The following SLC5A4 variants were observed in gnomAD, a reference collection of about 807,000 sequenced individuals.
SLC5A4 encodes solute carrier family 5 member 4.
In SLC5A4, 55 loss-of-function variants were observed where a neutral mutation model predicts 70.3. The ratio of observed to expected loss-of-function variants is 0.78; its 90% CI spans 0.63 to 0.98. The LOEUF (loss-of-function observed/expected upper bound fraction) is 0.98, where lower values mean the gene tolerates loss of function less well. SLC5A4 is among the 50% of genes least tolerant of loss of function. SLC5A4 has a pLI of 0.00. For synonymous variants in SLC5A4, 268 were observed against 305.7 expected (o/e 0.88, Z 1.29); for missense variants, 735 against 839.2 (o/e 0.88, Z 1.53).
chr22:32,235,183 A>G, intron 7 of SLC5A4, 90 bp from the exon 8 acceptor site: 1 of 877,040 alleles, frequency 1.1e-6, no homozygotes, highest in East Asian at 2.5e-5. Flanking sequence ...GAGGTAAACA[A>G]GCACCTCCCA....
chr22:32,252,865 C>T (rs901879914), intron 2 of SLC5A4, among the ~76,000 whole-genome samples: 1 of 152,178 alleles, frequency 6.6e-6, no homozygotes, highest in Non-Finnish European at 1.5e-5. Flanking sequence ...AGAGAGGTCT[C>T]TTGAGTGGAC....
At position 32,234,036 on chromosome 22, in the gene SLC5A4, A is replaced by G. The variant is rs1925917239; in HGVS notation, c.885+837T>C. On this transcript the variant is annotated intron_variant, in intron 8 of 14. Coordinates refer to ENST00000266086, the MANE Select transcript of SLC5A4 (RefSeq NM_014227.3). ...TGTGCTTGCATGGGGCTGAGAAGGG[A>G]AAGTTGAAAGACAGCTAAACTCTCA... Among the ~76,000 whole-genome samples, 5 of 152,098 alleles carry G rather than the reference A, an allele frequency of 3.3e-5. No homozygotes were observed. The South Asian group carries it at 1.0e-3, about 32-fold the overall frequency.
chr22:32,319,591 A>G, the SLC5A4 span, among the ~76,000 whole-genome samples: 191 of 152,236 alleles, frequency 1.3e-3, 1 homozygote, highest in African/African-American at 4.1e-3. Flanking sequence ...GTGTGTCTTC[A>G]TATGTGTCTA....
intron 11 of SLC5A4, 114 bp from the exon 12 acceptor site, chr22:32,225,937 T>C (rs1925373378): frequency 1.1e-5 from 8 of 712,478 alleles, no homozygotes; most frequent in Non-Finnish European, 1.8e-5. Context: ...CCAAACAAAA[T>C]CAAGCTCCTT....
intron 5 of SLC5A4, 41 bp from the exon 6 acceptor site, chr22:32,239,131 T>A (rs1461867590): frequency 1.4e-6 from 2 of 1,437,420 alleles, no homozygotes; most frequent in South Asian, 2.3e-5. Flanking sequence ...AACATGCATT[T>A]GAGGCCACTG....
intron 8 of SLC5A4, among the ~76,000 whole-genome samples, chr22:32,234,428 G>C (rs974702158): frequency 2.0e-5 from 3 of 152,194 alleles, no homozygotes; most frequent in African/African-American, 7.2e-5. Flanking sequence ...GCTGGGTGCG[G>C]TGGCTCACCC....
At chr22:32,242,600 T>A (rs1926600484) in intron 5 of SLC5A4, among the ~76,000 whole-genome samples, 1 of 152,070 alleles carries the variant, frequency 6.6e-6, no homozygotes, top group African/African-American at 2.4e-5. Flanking sequence ...TCCCAGCTAC[T>A]TAGGAGGCTG....
At chr22:32,299,671 T>C in the SLC5A4 span, among the ~76,000 whole-genome samples, 15,443 of 67,596 alleles carry the variant, frequency 0.23, 3,931 homozygotes, top group East Asian at 0.47. Flanking sequence ...AGTCATTCTC[T>C]ATCCAGCTTT....
chr22:32,227,682 A>G (rs1453636697), intron 11 of SLC5A4, among the ~76,000 whole-genome samples: 3 of 152,186 alleles, frequency 2.0e-5, no homozygotes, highest in African/African-American at 7.2e-5. Context: ...TCACACCTGT[A>G]ATCCCAAGAC....
At chr22:32,305,958 T>C in the SLC5A4 span, among the ~76,000 whole-genome samples, 16 of 151,888 alleles carry the variant, frequency 1.1e-4, no homozygotes, top group Non-Finnish European at 2.1e-4. Flanking sequence ...GCCATTGGCA[T>C]TGAGTGTGCA....
At chr22:32,310,390 G>C in the SLC5A4 span, among the ~76,000 whole-genome samples, 16 of 152,156 alleles carry the variant, frequency 1.1e-4, no homozygotes, top group Non-Finnish European at 1.8e-4. Flanking sequence ...TCAGAATCTG[G>C]GTCTTGGGCC....
At chr22:32,239,476 G>A (rs1448455177) in intron 5 of SLC5A4, among the ~76,000 whole-genome samples, 9 of 127,348 alleles carry the variant, frequency 7.1e-5, no homozygotes, top group African/African-American at 2.3e-4. Flanking sequence ...AGGCTGCAGT[G>A]AGCAGTAATT....
the SLC5A4 span, among the ~76,000 whole-genome samples, chr22:32,344,910 G>C: frequency 6.6e-6 from 1 of 151,998 alleles, no homozygotes; most frequent in South Asian, 2.1e-4. Flanking sequence ...CAAGAACAAT[G>C]GACTATCTCC....
At chr22:32,285,119 TATA>T in the SLC5A4 span, 2 of 152,228 alleles carry the variant, frequency 1.3e-5, no homozygotes, top group Non-Finnish European at 2.9e-5. Flanking sequence ...TAATAAATTT[TATA>T]ATAAAAGTAG....
chr22:32,237,339 A>C lies in SLC5A4; in HGVS notation c.584-15T>G, dbSNP rs1926123366. 2.6e-6 allele frequency: 4 copies of C among 1,566,024 alleles called. No individual in the cohort carries two copies. Among genetic ancestry groups the C allele is most frequent in the Non-Finnish European group, 3.5e-6 (4 of 1,152,484 alleles). On this transcript the variant is annotated splice_polypyrimidine_tract_variant and intron_variant, in intron 6 of 14. Coordinates refer to ENST00000266086, the MANE Select transcript of SLC5A4 (RefSeq NM_014227.3). ...GGCCAAGCCCCCTAGTGAGAGAAAG[A>C]AAAGAACCAGGGCATTTTATCCATG...
rs540806868 is a variant in SLC5A4, at chr22:32,221,747, G to T, written c.1666-725C>A. Among the ~76,000 whole-genome samples the T allele has an allele frequency of 8.8e-4, 133 of 150,616 alleles. 2 individuals carry two copies. Among genetic ancestry groups the T allele is most frequent in the Admixed American group, 5.9e-3 (89 of 15,168 alleles). ...CTCCAAGTATCAATGTTTTTTTTTT[G>T]TTTGTTTGTTTTGTTTTCAATAAGA... On this transcript the variant is annotated intron_variant, in intron 13 of 14. Transcript: ENST00000266086.
At chr22:32,343,756 G>T in the SLC5A4 span, among the ~76,000 whole-genome samples, 23 of 152,186 alleles carry the variant, frequency 1.5e-4, no homozygotes, top group African/African-American at 5.5e-4. Flanking sequence ...TTATCAATTA[G>T]AAAAGCACAT....
the SLC5A4 span, chr22:32,272,457 G>T: frequency 1.2e-6 from 1 of 801,704 alleles, no homozygotes. Flanking sequence ...TCAGCGTCAG[G>T]AACTTCATCC....
intron 2 of SLC5A4, among the ~76,000 whole-genome samples, chr22:32,253,244 A>G (rs1044512143): frequency 6.6e-6 from 1 of 152,196 alleles, no homozygotes; most frequent in African/African-American, 2.4e-5. Context: ...GACACTCTCC[A>G]GGTGCAGAGG....
Sources: allele counts gnomAD v4.1 joint callset (sites outside exome capture counted in the v4.1 genomes callset), GRCh38; gene constraint gnomAD v4.1.1; transcripts MANE v1.5; gene names NCBI Gene and HGNC (gene_info 2026-07-23, HGNC 2026-07-21).